KIFAP3: variants seen among roughly 807,000 people sequenced by gnomAD.
KIFAP3 encodes kinesin associated protein 3.
KIFAP3 carries 68 observed loss-of-function variants against 106.5 expected under a neutral mutation model. The observed-to-expected ratio is 0.64, with a 90% confidence interval of 0.53 to 0.78. KIFAP3 has a LOEUF of 0.78. Among genes scored for constraint, KIFAP3 ranks in the 30% least tolerant of loss-of-function variants. The pLI, the probability that KIFAP3 is intolerant of heterozygous loss-of-function variation, is 0.00. For synonymous variants in KIFAP3, 320 were observed against 311.5 expected (o/e 1.03, Z -0.29); for missense variants, 780 against 941.8 (o/e 0.83, Z 2.25).
At chr1:169,926,701 AC>A (rs1663159668) in intron 19 of KIFAP3, among the ~76,000 whole-genome samples, 2 of 150,846 alleles carry the variant, frequency 1.3e-5, no homozygotes, top group East Asian at 1.9e-4. Flanking sequence ...ACACACACAC[AC>A]ACATTCAAAA....
chr1:170,065,152 C>T (rs1401433040), intron 1 of KIFAP3, among the ~76,000 whole-genome samples: 3 of 152,046 alleles, frequency 2.0e-5, no homozygotes, highest in Non-Finnish European at 4.4e-5. Flanking sequence ...TTACAGTATA[C>T]GTTTTCTTAA....
rs12042219 is a variant in KIFAP3, at chr1:170,006,908, A to G, written c.1183+9554T>C. Among the ~76,000 whole-genome samples, 4 of 152,294 alleles carry G rather than the reference A, an allele frequency of 2.6e-5. No individual in the cohort carries two copies. The East Asian group carries it at 7.7e-4, about 29-fold the overall frequency. ...GAATGAATGAAGTCAGCAAAGTAGT[A>G]AGCATAGATAAAGTCCAAGGACTAA... On this transcript the variant is annotated intron_variant, in intron 10 of 19. Transcript: ENST00000361580.
rs1361338751 is a variant in KIFAP3, at chr1:169,973,124, A to ATATATATATATATAG, written c.1898-527_1898-526insCTATATATATATATA. Among the ~76,000 whole-genome samples, 56 of 48,722 alleles carry ATATATATATATATAG rather than the reference A, an allele frequency of 1.1e-3. 3 individuals carry two copies. The highest frequency in any genetic ancestry group is 5.4e-3 in the East Asian group (5 of 928). 32.0% of individuals were successfully genotyped at this position (48,722 alleles called of 152,430 possible). ...TAGTGTGTATATATATATATATATA[A>ATATATATATATATAG]ACAACACAAATCAGGATTAGAAAAC... On this transcript the variant is annotated intron_variant, in intron 16 of 19. Coordinates refer to ENST00000361580, the MANE Select transcript of KIFAP3 (RefSeq NM_014970.4).
At chr1:170,019,922 A>G (rs1668720223) in intron 9 of KIFAP3, among the ~76,000 whole-genome samples, 1 of 152,236 alleles carries the variant, frequency 6.6e-6, no homozygotes, top group South Asian at 2.1e-4. Context: ...ACAGTTGTCT[A>G]CTTAGAAAAT....
At chr1:169,939,559 C>A (rs1663996717) in intron 19 of KIFAP3, among the ~76,000 whole-genome samples, 2 of 152,030 alleles carry the variant, frequency 1.3e-5, no homozygotes, top group African/African-American at 4.8e-5. Context: ...GTACTTAAAG[C>A]CATGGATCTG....
chr1:169,967,625 T>C (rs1423829156), intron 17 of KIFAP3, among the ~76,000 whole-genome samples: 1 of 151,846 alleles, frequency 6.6e-6, no homozygotes, highest in East Asian at 1.9e-4. Context: ...GATTCTTCAT[T>C]TGTAAAATGA....
chr1:169,956,241 T>A (rs76323861), intron 18 of KIFAP3, among the ~76,000 whole-genome samples: 10,158 of 152,086 alleles, frequency 0.067, 505 homozygotes, highest in East Asian at 0.2. Flanking sequence ...AATTTAACAC[T>A]AAGAAATATT....
chr1:170,038,557 A>C (rs1328559576), intron 4 of KIFAP3, 126 bp from the exon 5 acceptor site: 33 of 948,768 alleles, frequency 3.5e-5, no homozygotes, highest in Non-Finnish European at 3.6e-5. Context: ...AACTCATAGT[A>C]GCCATCTTTT....
At chr1:170,010,458 G>A (rs1317826220) in intron 10 of KIFAP3, among the ~76,000 whole-genome samples, 1 of 151,862 alleles carries the variant, frequency 6.6e-6, no homozygotes, top group African/African-American at 2.4e-5. Context: ...TGGTTCTATT[G>A]AATTACAGTT....
chr1:170,077,638 G>C (rs564197330), upstream of KIFAP3, among the ~76,000 whole-genome samples: 147 of 152,284 alleles, frequency 9.7e-4, 1 homozygote, highest in Non-Finnish European at 1.5e-3. Context: ...AAACTCTTAA[G>C]TCATATAATT....
intron 1 of KIFAP3, among the ~76,000 whole-genome samples, chr1:170,070,996 T>C (rs1671680620): frequency 6.6e-6 from 1 of 152,174 alleles, no homozygotes; most frequent in Admixed American, 6.5e-5. Context: ...AAGCTCAATG[T>C]CATTAGTAAT....
intron 17 of KIFAP3, 80 bp downstream of exon 17, chr1:169,972,433 T>C (rs1330701720): frequency 1.4e-5 from 10 of 712,482 alleles, no homozygotes; most frequent in Non-Finnish European, 2.5e-5. Context: ...ACTGAATGCA[T>C]TGTTTAAAAT....
intron 1 of KIFAP3, among the ~76,000 whole-genome samples, chr1:170,065,922 CA>C (rs2102160446): frequency 6.6e-6 from 1 of 152,166 alleles, no homozygotes; most frequent in Admixed American, 6.5e-5. Flanking sequence ...CAATGACTGA[CA>C]TACTTAGATT....
intron 19 of KIFAP3, among the ~76,000 whole-genome samples, chr1:169,930,821 C>T (rs1663422254): frequency 6.6e-6 from 1 of 151,930 alleles, no homozygotes; most frequent in South Asian, 2.1e-4. Flanking sequence ...CATTTTTGTC[C>T]ACCATTTACA....
At chr1:170,014,150 C>T (rs966416771) in intron 10 of KIFAP3, among the ~76,000 whole-genome samples, 3 of 152,154 alleles carry the variant, frequency 2.0e-5, no homozygotes, top group Non-Finnish European at 4.4e-5. Context: ...TCTTCAGACT[C>T]TAATGTGAGT....
chr1:170,065,751 T>A (rs1476653657), intron 1 of KIFAP3, among the ~76,000 whole-genome samples: 1 of 152,184 alleles, frequency 6.6e-6, no homozygotes, highest in Non-Finnish European at 1.5e-5. Flanking sequence ...TACATTACAT[T>A]TTAAAAATAA....
intron 17 of KIFAP3, among the ~76,000 whole-genome samples, chr1:169,964,838 T>G (rs1050529297): frequency 6.6e-6 from 1 of 152,328 alleles, no homozygotes; most frequent in Non-Finnish European, 1.5e-5. Context: ...CTCTTTAAGA[T>G]TCATATAACT....
At chr1:170,068,478 A>G (rs1483377324) in intron 1 of KIFAP3, 1 of 152,124 alleles carries the variant, frequency 6.6e-6, no homozygotes, top group African/African-American at 2.4e-5. Flanking sequence ...GAGAGAGAAA[A>G]GAATCAGCAA....
chr1:170,083,373 C>T (rs968059332), intron 1 of KIFAP3, among the ~76,000 whole-genome samples: 4 of 152,080 alleles, frequency 2.6e-5, no homozygotes, highest in African/African-American at 4.8e-5. Context: ...GTGAAGAAAC[C>T]AATCTCATTC....
Sources: allele counts gnomAD v4.1 joint callset (sites outside exome capture counted in the v4.1 genomes callset), GRCh38; gene constraint gnomAD v4.1.1; transcripts MANE v1.5; gene names NCBI Gene and HGNC (gene_info 2026-07-23, HGNC 2026-07-21).